FRMD8: variants seen among roughly 807,000 people sequenced by gnomAD.
FRMD8 encodes the protein FERM domain containing 8, also known as FERM domain-containing protein 8.
FRMD8 carries 37 observed loss-of-function variants against 54.2 expected under a neutral mutation model. That is an observed-to-expected ratio of 0.68 (90% CI 0.53 to 0.90). FRMD8 has a LOEUF of 0.90. FRMD8 is among the 40% of genes least tolerant of loss of function. FRMD8 has a pLI of 0.00. For synonymous variants in FRMD8, 246 were observed against 286.9 expected, an observed-to-expected ratio of 0.86 and a Z score of 1.44; for missense variants, 585 against 653.7, an observed-to-expected ratio of 0.89 and a Z score of 1.15.
the FRMD8 span, chr11:65,377,391 T>C: frequency 8.2e-7 from 1 of 1,220,472 alleles, no homozygotes; most frequent in South Asian, 2.2e-5. Context: ...GCAGGTTGGT[T>C]TCTGGCCTCC....
At chr11:65,396,114 C>T (rs1479984643) in intron 6 of FRMD8, among the ~76,000 whole-genome samples, 2 of 152,192 alleles carry the variant, frequency 1.3e-5, no homozygotes, top group Non-Finnish European at 2.9e-5. Context: ...GGTGACTCCT[C>T]GTGTCTTTCC....
chr11:65,393,490 C>A, intron 3 of FRMD8, 83 bp from the exon 4 acceptor site: 1 of 1,014,878 alleles, frequency 9.9e-7, no homozygotes, highest in Non-Finnish European at 1.5e-6. Context: ...CGACTGTCGT[C>A]ATGCTGTGCG....
intron 4 of FRMD8, 143 bp downstream of exon 4, chr11:65,393,817 C>T: frequency 1.2e-6 from 1 of 822,010 alleles, no homozygotes; most frequent in Non-Finnish European, 1.9e-6. Flanking sequence ...CCGTCAGCCA[C>T]CCCTGGCAGG....
the FRMD8 span, chr11:65,379,755 A>G: frequency 7.0e-7 from 1 of 1,431,984 alleles, no homozygotes; most frequent in Non-Finnish European, 9.7e-7. Context: ...AGGATCCCAG[A>G]CTTGGTCTTC....
intron 6 of FRMD8, 38 bp downstream of exon 6, chr11:65,394,463 G>A (rs773066344): frequency 6.5e-7 from 1 of 1,537,804 alleles, no homozygotes; most frequent in Non-Finnish European, 8.7e-7. Flanking sequence ...GGCGCTGGGT[G>A]GGGGAGTTTG....
At chr11:65,380,425 C>T in the FRMD8 span, 1 of 1,012,566 alleles carries the variant, frequency 9.9e-7, no homozygotes, top group Non-Finnish European at 1.4e-6. Flanking sequence ...GATGCACACC[C>T]AAGAGGGAAG....
chr11:65,406,486 A>G (rs1458587767), intron 10 of FRMD8, among the ~76,000 whole-genome samples: 2 of 148,292 alleles, frequency 1.3e-5, no homozygotes, highest in South Asian at 2.2e-4. Flanking sequence ...GAGCCACTGC[A>G]CCCGGCCCTA....
Position 65,393,639 on chromosome 11 carries a change from G to A in FRMD8, c.320G>A (p.Arg107His), listed in dbSNP as rs779476479. The A allele has an allele frequency of 8.1e-6, 13 of 1,607,758 alleles. No homozygotes were observed. Among genetic ancestry groups the A allele is most frequent in the African/African-American group, 6.7e-5 (5 of 74,920 alleles). Residue 107 changes from arginine to histidine, a missense_variant, in exon 4 of 11, where the codon CGC becomes CAC. By Grantham distance (29) the Arg-to-His change is conservative. Transcript: ENST00000317568. ...CGCCAGTGGCCGGAGCTGCTGCTGCGCTTCACCAGTGCCCCAGACGATGAC... is the reference window on the plus strand; with the variant it reads ...CGCCAGTGGCCGGAGCTGCTGCTGCACTTCACCAGTGCCCCAGACGATGAC... ...LGRQWPELLLRFTSAPDDDVA... is the reference protein window; with the variant it reads ...LGRQWPELLLHFTSAPDDDVA...
intron 7 of FRMD8, among the ~76,000 whole-genome samples, 163 bp downstream of exon 7, chr11:65,397,183 C>T (rs904225831): frequency 1.3e-5 from 2 of 151,968 alleles, no homozygotes; most frequent in African/African-American, 4.9e-5. Context: ...AAGCTGGGCA[C>T]CTGTCCTCCC....
At position 65,394,053 on chromosome 11, in the gene FRMD8, T is replaced by A; in HGVS notation, c.368T>A (p.Leu123Gln). 6.2e-7 allele frequency: 1 copy of A among 1,614,134 alleles called. No homozygotes were observed. The highest frequency in any genetic ancestry group is 8.5e-7 in the Non-Finnish European group (1 of 1,179,968). The change falls in exon 5 of 11, where the codon CTG becomes CAG. Residue 123 changes from leucine to glutamine, a missense_variant. Physicochemically the swap from Leu to Gln is moderately radical, Grantham distance 113. Transcript: ENST00000317568. ...DDDVAMDEPF[L>Q]QFRRNVFFPK... ...CCTCTCTCCCCAGATGAGCCTTTCC[T>A]GCAGTTCCGAAGGAACGTGTTCTTC...
intron 2 of FRMD8, among the ~76,000 whole-genome samples, chr11:65,388,475 T>C (rs1855777486): frequency 6.6e-6 from 1 of 152,170 alleles, no homozygotes; most frequent in South Asian, 2.1e-4. Context: ...TTAGCTCTAC[T>C]TTTACAGATG....
chr11:65,368,474 G>A, the FRMD8 span, among the ~76,000 whole-genome samples: 1 of 152,146 alleles, frequency 6.6e-6, no homozygotes, highest in Non-Finnish European at 1.5e-5. Context: ...GCCTCCCAAA[G>A]TGCTGGGATC....
At chr11:65,376,003 G>A in the FRMD8 span, 1 of 186,142 alleles carries the variant, frequency 5.4e-6, no homozygotes, top group East Asian at 1.4e-4. Context: ...TGGAAAGGCG[G>A]AGGTTGCAGT....
the FRMD8 span, chr11:65,381,136 C>T: frequency 6.7e-6 from 1 of 148,274 alleles, no homozygotes; most frequent in Admixed American, 6.7e-5. Context: ...GGAACCCAGA[C>T]TTTTTTTTTT....
intron 7 of FRMD8, among the ~76,000 whole-genome samples, chr11:65,398,557 G>A (rs1158388390): frequency 1.3e-5 from 2 of 152,236 alleles, no homozygotes; most frequent in Non-Finnish European, 2.9e-5. Flanking sequence ...TGTCCTCCTG[G>A]CAGCTGGCGA....
intron 9 of FRMD8, among the ~76,000 whole-genome samples, chr11:65,401,741 C>T (rs1283255609): frequency 6.6e-6 from 1 of 151,214 alleles, no homozygotes; most frequent in Admixed American, 6.6e-5. Context: ...TTTTCCTGGC[C>T]CCCCTCGAGG....
intron 10 of FRMD8, among the ~76,000 whole-genome samples, chr11:65,406,667 CA>C (rs1410967447): frequency 6.6e-6 from 1 of 151,840 alleles, no homozygotes; most frequent in Non-Finnish European, 1.5e-5. Context: ...TGGCCGGGCG[CA>C]GTGGCTCACG....
At chr11:65,384,842 G>A (rs1855705377), upstream of FRMD8, among the ~76,000 whole-genome samples, 1 of 152,084 alleles carries the variant, frequency 6.6e-6, no homozygotes, top group Non-Finnish European at 1.5e-5. Context: ...GCTCCTGAAT[G>A]GCTAGGACCA....
rs1434618135 is a variant in FRMD8, at chr11:65,400,207, T to TCTTTCTGCGTTTGGTGGCCAGC, written c.927+351_927+352insTCTGCGTTTGGTGGCCAGCCTT. On this transcript the variant is annotated intron_variant, in intron 8 of 10. Coordinates refer to ENST00000317568, the MANE Select transcript of FRMD8 (RefSeq NM_031904.5). The surrounding 1 kb of genome is among the most constrained non-coding windows in gnomAD (Gnocchi z 4.3). ...GAGCCCTCTTGGGCTGACCGTGTCC[T>TCTTTCTGCGTTTGGTGGCCAGC]CTTCTTTCTGCGTTTGGTGGCCAGC... Among the ~76,000 whole-genome samples, 4 of 152,176 alleles carry TCTTTCTGCGTTTGGTGGCCAGC rather than the reference T, an allele frequency of 2.6e-5. No individual in the cohort carries two copies. The highest frequency in any genetic ancestry group is 4.4e-5 in the Non-Finnish European group (3 of 68,026).
Sources: allele counts gnomAD v4.1 joint callset (sites outside exome capture counted in the v4.1 genomes callset), GRCh38; gene constraint gnomAD v4.1.1; non-coding constraint Gnocchi (gnomAD v3.1); transcripts MANE v1.5; gene names NCBI Gene and HGNC (gene_info 2026-07-23, HGNC 2026-07-21).